Variants in SEC22A observed in about 807,000 individuals in gnomAD.
The protein encoded by SEC22A is vesicle-trafficking protein SEC22a.
Under a neutral mutation model 35.3 loss-of-function variants are expected in SEC22A, and 22 were observed. The observed-to-expected ratio is 0.62, with a 90% CI of 0.45 to 0.89. SEC22A has a LOEUF of 0.89. SEC22A is among the 40% of genes least tolerant of loss of function. The probability of loss-of-function intolerance (pLI) is 0.00; values close to 1 mark genes in which losing one functional copy is unlikely to be tolerated. For missense variants in SEC22A, 354 were observed against 362.5 expected (o/e 0.98, Z 0.19); for synonymous variants, 119 against 129.5 (o/e 0.92, Z 0.55).
intron 2 of SEC22A, among the ~76,000 whole-genome samples, chr3:123,212,546 T>C (rs911503857): frequency 1.3e-5 from 2 of 152,248 alleles, no homozygotes; most frequent in East Asian, 3.9e-4. Flanking sequence ...TTTTTTTCTT[T>C]TGACTCTCTT....
chr3:123,266,989 T>C (rs1002093827), intron 6 of SEC22A, among the ~76,000 whole-genome samples: 28 of 152,174 alleles, frequency 1.8e-4, no homozygotes, highest in African/African-American at 6.5e-4. Flanking sequence ...AGCCCATTTA[T>C]CATTATATAT....
At chr3:123,266,404 A>G (rs563788037) in intron 6 of SEC22A, among the ~76,000 whole-genome samples, 1 of 152,084 alleles carries the variant, frequency 6.6e-6, no homozygotes, top group South Asian at 2.1e-4. Flanking sequence ...TTTCTTTTTT[A>G]TAATGTATGC....
intron 2 of SEC22A, among the ~76,000 whole-genome samples, chr3:123,217,373 GTATTTTTT>G (rs1367142588): frequency 6.8e-6 from 1 of 147,134 alleles, no homozygotes; most frequent in African/African-American, 2.5e-5. Context: ...AATTTTTTTT[GTATTTTTT>G]TATTTTTTTT....
At chr3:123,263,576 G>T (rs1203752794) in intron 6 of SEC22A, among the ~76,000 whole-genome samples, 3 of 149,030 alleles carry the variant, frequency 2.0e-5, no homozygotes, top group Non-Finnish European at 3.0e-5. Context: ...GAGTGCAGTG[G>T]CGCGATCTTG....
At chr3:123,236,842 CG>C (rs1559757864) in intron 4 of SEC22A, among the ~76,000 whole-genome samples, 1 of 151,812 alleles carries the variant, frequency 6.6e-6, no homozygotes, top group Non-Finnish European at 1.5e-5. Context: ...CACATATGCA[CG>C]ATCTGATAGA....
At chr3:123,222,721 A>G (rs1253428719) in intron 2 of SEC22A, among the ~76,000 whole-genome samples, 9 of 152,202 alleles carry the variant, frequency 5.9e-5, no homozygotes, top group Admixed American at 5.9e-4. Context: ...TCTAACATGA[A>G]TGATGTTAGA....
Position 123,246,012 on chromosome 3 carries a change from C to A in SEC22A, c.655C>A (p.Gln219Lys). 1 of 1,571,902 alleles carries A rather than the reference C, an allele frequency of 6.4e-7. No homozygotes were observed. The highest frequency in any genetic ancestry group is 8.7e-7 in the Non-Finnish European group (1 of 1,142,998). ...RGFHAIESLL[Q>K]SDGDDFNYII... is the part of the protein sequence containing the mutation. ...CTTTCATGCTATAGAAAGTCTCCTGCAGGTACTGTGCTATTTTTGCAATTT... is the reference window on the plus strand; with the variant it reads ...CTTTCATGCTATAGAAAGTCTCCTGAAGGTACTGTGCTATTTTTGCAATTT... Residue 219 changes from glutamine to lysine, a missense_variant and splice_region_variant, in exon 5 of 7, where the codon CAG becomes AAG. Physicochemically the swap from Gln to Lys is moderately conservative, Grantham distance 53 (BLOSUM62 1). Transcript: ENST00000492595.
chr3:123,204,174 A>G (rs1936808082), intron 1 of SEC22A, among the ~76,000 whole-genome samples: 2 of 152,250 alleles, frequency 1.3e-5, no homozygotes, highest in Non-Finnish European at 2.9e-5. Flanking sequence ...TCACACACAT[A>G]CATATTTGAA....
intron 4 of SEC22A, among the ~76,000 whole-genome samples, chr3:123,228,830 A>G (rs1937262944): frequency 1.3e-5 from 2 of 152,186 alleles, no homozygotes; most frequent in Admixed American, 6.5e-5. Flanking sequence ...TAAAAAACAC[A>G]GTGGAAATTC....
intron 2 of SEC22A, among the ~76,000 whole-genome samples, chr3:123,213,313 T>C (rs1936971494): frequency 1.3e-5 from 2 of 152,216 alleles, no homozygotes; most frequent in Admixed American, 1.3e-4. Flanking sequence ...AATTTGTGTG[T>C]GTTACCTGAC....
intron 5 of SEC22A, among the ~76,000 whole-genome samples, chr3:123,254,095 GTAAA>G (rs939127150): frequency 6.6e-6 from 1 of 151,978 alleles, no homozygotes; most frequent in Non-Finnish European, 1.5e-5. Context: ...ATATTAAAAA[GTAAA>G]TATTCCCTAA....
At chr3:123,253,965 A>T (rs1205958156) in intron 5 of SEC22A, among the ~76,000 whole-genome samples, 1 of 151,472 alleles carries the variant, frequency 6.6e-6, no homozygotes, top group Admixed American at 6.6e-5. Flanking sequence ...TAAAAAAGTT[A>T]TAAATAAATA....
intron 5 of SEC22A, among the ~76,000 whole-genome samples, chr3:123,256,147 T>G (rs1937725297): frequency 6.6e-6 from 1 of 152,214 alleles, no homozygotes; most frequent in Non-Finnish European, 1.5e-5. Flanking sequence ...TATAGTGTTT[T>G]GTTCCTCTCT....
chr3:123,231,988 C>T (rs1024805647), intron 4 of SEC22A, among the ~76,000 whole-genome samples: 6 of 152,118 alleles, frequency 3.9e-5, no homozygotes, highest in African/African-American at 2.4e-5. Flanking sequence ...CCTGCAACCC[C>T]AACACTTTGG....
chr3:123,253,982 A>G (rs961440336), intron 5 of SEC22A, among the ~76,000 whole-genome samples: 2 of 152,022 alleles, frequency 1.3e-5, no homozygotes, highest in Admixed American at 1.3e-4. Flanking sequence ...AATAAAATAA[A>G]AATAACAAAA....
At chr3:123,264,252 G>C (rs941889398) in intron 6 of SEC22A, among the ~76,000 whole-genome samples, 2 of 152,128 alleles carry the variant, frequency 1.3e-5, no homozygotes, top group Non-Finnish European at 2.9e-5. Flanking sequence ...TTAAAATGTT[G>C]GCTGTTATAA....
chr3:123,270,243 A>G (rs1335924630), intron 6 of SEC22A, among the ~76,000 whole-genome samples: 3 of 151,874 alleles, frequency 2.0e-5, no homozygotes, highest in African/African-American at 7.3e-5. Context: ...AGAAAAAGCT[A>G]TTTTTTTCTA....
rs1051780971 is a variant in SEC22A, at chr3:123,209,044, C to A, written c.-19-155C>A. The A allele has an allele frequency of 1.3e-5, 7 of 549,286 alleles. No homozygotes were observed. The East Asian group carries it at 2.5e-4, about 19-fold the overall frequency. The allele number at this position is 549,286 out of a possible 1,614,324, so 34.0% of individuals were successfully genotyped here. A position where few individuals can be genotyped will look rare whatever the true frequency, so the allele number is the denominator to read the frequency against. On this transcript the variant is annotated intron_variant, in intron 1 of 6. Transcript: ENST00000492595. ...TCCTGATCTTGTGATCCACCCTCCT[C>A]AGCCACCCAAAGTGCTGGGATTACA...
At chr3:123,250,142 TG>T in intron 5 of SEC22A, among the ~76,000 whole-genome samples, 1 of 152,226 alleles carries the variant, frequency 6.6e-6, no homozygotes, top group African/African-American at 2.4e-5. Flanking sequence ...CTGGGCACGG[TG>T]GCTCGCACCT....
Sources: gnomAD v4.1 joint callset for allele counts (sites outside exome capture counted in the v4.1 genomes callset) on GRCh38, gnomAD v4.1.1 for gene constraint, MANE v1.5 for transcripts, NCBI Gene and HGNC (gene_info 2026-07-23, HGNC 2026-07-21) for gene names.